TINAG: variants seen among roughly 807,000 people sequenced by gnomAD.
TINAG encodes tubulointerstitial nephritis antigen.
TINAG carries 83 observed loss-of-function variants against 72.7 expected under a neutral mutation model. That is an observed-to-expected ratio of 1.14 (90% CI 0.96 to 1.37). TINAG has a LOEUF of 1.37. TINAG is among the 40% of genes most tolerant of loss of function. The probability of loss-of-function intolerance (pLI) is 0.00; values close to 1 mark genes in which losing one functional copy is unlikely to be tolerated. For missense variants in TINAG, 685 were observed against 576.6 expected, an observed-to-expected ratio of 1.19 and a Z score of -1.93; for synonymous variants, 234 against 189.9, an observed-to-expected ratio of 1.23 and a Z score of -1.91.
At chr6:54,347,261 T>C (rs1166639820) in intron 5 of TINAG, 106 bp from the exon 6 acceptor site, 3 of 1,040,958 alleles carry the variant, frequency 2.9e-6, no homozygotes, top group African/African-American at 1.6e-5. Context: ...TTATAAATTA[T>C]ACACAGTTTT....
intron 5 of TINAG, among the ~76,000 whole-genome samples, chr6:54,346,118 C>T (rs578245454): frequency 1.3e-5 from 2 of 151,944 alleles, no homozygotes; most frequent in Non-Finnish European, 2.9e-5. Context: ...ATGGTACCCA[C>T]CCCAATTTTT....
In TINAG at chr6:54,354,546, A is replaced by G. The variant is rs369126804; in HGVS notation, c.1160A>G (p.Tyr387Cys). Residue 387 changes from tyrosine (Y) to cysteine (C), a missense_variant, in exon 9 of 11, where the codon TAT (tyrosine) becomes TGT (cysteine). Coordinates refer to ENST00000259782, the MANE Select transcript of TINAG (RefSeq NM_014464.4). ...IMQVREDFFH[Y>C]KTGIYRHVTS... ...CAAGTCCGTGAAGATTTCTTCCATTATAAGACAGGGATATACAGACATGTT... is the reference window on the plus strand; with the variant it reads ...CAAGTCCGTGAAGATTTCTTCCATTGTAAGACAGGGATATACAGACATGTT... 1.3e-5 allele frequency: 21 copies of G among 1,607,984 alleles called. No homozygotes were observed. The Admixed American group carries it at 2.2e-4, about 17-fold the overall frequency.
intron 9 of TINAG, among the ~76,000 whole-genome samples, chr6:54,367,895 T>A (rs1424898180): frequency 6.6e-6 from 1 of 151,780 alleles, no homozygotes; most frequent in African/African-American, 2.4e-5. Context: ...TGTTCATAAA[T>A]GACTGTCTTG....
intron 1 of TINAG, among the ~76,000 whole-genome samples, chr6:54,317,338 C>T (rs989204137): frequency 6.6e-6 from 1 of 152,044 alleles, no homozygotes; most frequent in African/African-American, 2.4e-5. Context: ...TGGATTGTAG[C>T]TCCCATAATT....
rs1198329153 is a variant in TINAG at position 54,382,684 on chromosome 6, GA to G, written c.1296+2114del. On this transcript the variant is annotated intron_variant, in intron 10 of 10. Transcript: ENST00000259782. The stretch of plus-strand genomic sequence containing the variant: ...ATACTCATAAATAGATCGACAACCA[GA>G]GTAACATAGCAGCATGCATCTCCCA... 2.0e-5 allele frequency among the ~76,000 whole-genome samples: 3 copies of G among 152,176 alleles called. No individual in the cohort carries two copies. The East Asian group carries it at 5.8e-4, about 29-fold the overall frequency.
chr6:54,349,822 A>C lies in TINAG; in HGVS notation c.1006A>C (p.Lys336Gln). ...SDGRGKRHAT[K>Q]PCPNNVEKSN... is the part of the protein sequence containing the mutation. ...TGGGCGAGGAAAACGGCATGCCACG[A>C]AGCCATGTCCCAACAACGTAGAAAA... Residue 336 changes from lysine to glutamine, a missense_variant, in exon 7 of 11, where the codon AAG becomes CAG. Coordinates refer to ENST00000259782, the MANE Select transcript of TINAG (RefSeq NM_014464.4). 1.9e-6 allele frequency: 3 copies of C among 1,611,158 alleles called. No homozygotes were observed. The highest frequency in any genetic ancestry group is 1.7e-6 in the Non-Finnish European group (2 of 1,178,154).
chr6:54,378,718 T>C (rs1251687471), intron 9 of TINAG, among the ~76,000 whole-genome samples: 2 of 152,170 alleles, frequency 1.3e-5, no homozygotes, highest in Non-Finnish European at 2.9e-5. Context: ...TCTTCTCCTT[T>C]GTATGACTTT....
At chr6:54,320,453 A>G (rs1298986089) in intron 1 of TINAG, 126 bp from the exon 2 acceptor site, 2 of 662,000 alleles carry the variant, frequency 3.0e-6, no homozygotes, top group Non-Finnish European at 4.9e-6. Flanking sequence ...GATTTCTATC[A>G]GCTTTTTTGG....
chr6:54,384,888 C>G (rs1175627294), intron 10 of TINAG, among the ~76,000 whole-genome samples: 1 of 152,052 alleles, frequency 6.6e-6, no homozygotes, highest in Non-Finnish European at 1.5e-5. Flanking sequence ...AATATACATT[C>G]TCTTTAAGTG....
intron 5 of TINAG, 86 bp from the exon 6 acceptor site, chr6:54,347,281 G>A (rs901654356): frequency 1.2e-5 from 16 of 1,366,488 alleles, no homozygotes; most frequent in Admixed American, 2.2e-5. Flanking sequence ...TAAAGACTAC[G>A]TTAGGGTTCA....
At chr6:54,368,435 A>G (rs1280485744) in intron 9 of TINAG, among the ~76,000 whole-genome samples, 1 of 150,016 alleles carries the variant, frequency 6.7e-6, no homozygotes, top group Non-Finnish European at 1.5e-5. Flanking sequence ...CCTGAAAGAT[A>G]TTTGGGCATA....
intron 4 of TINAG, among the ~76,000 whole-genome samples, chr6:54,333,207 T>C (rs975053562): frequency 1.3e-5 from 2 of 152,106 alleles, no homozygotes; most frequent in Non-Finnish European, 2.9e-5. Flanking sequence ...AGCAAAGACT[T>C]GGAACCAACC....
At chr6:54,350,416 A>G (rs1253667266) in intron 7 of TINAG, among the ~76,000 whole-genome samples, 1 of 151,866 alleles carries the variant, frequency 6.6e-6, no homozygotes, top group African/African-American at 2.4e-5. Flanking sequence ...GTGTCTTCTA[A>G]TTATCTCCAG....
At chr6:54,339,886 T>TG (rs988133053) in intron 4 of TINAG, among the ~76,000 whole-genome samples, 1 of 152,000 alleles carries the variant, frequency 6.6e-6, no homozygotes, top group African/African-American at 2.4e-5. Context: ...CTTAAATGGG[T>TG]GGGGGGAAAT....
At chr6:54,328,675 G>A (rs916275646) in intron 4 of TINAG, among the ~76,000 whole-genome samples, 3 of 151,872 alleles carry the variant, frequency 2.0e-5, no homozygotes, top group African/African-American at 4.8e-5. Flanking sequence ...AAACTCCTCC[G>A]AGCTAAGGGA....
intron 4 of TINAG, among the ~76,000 whole-genome samples, chr6:54,331,582 CA>C (rs1483713453): frequency 4.6e-5 from 7 of 152,188 alleles, no homozygotes; most frequent in Non-Finnish European, 7.3e-5. Context: ...CACTTTTATT[CA>C]ACATAGTATT....
intron 1 of TINAG, among the ~76,000 whole-genome samples, chr6:54,316,829 T>C (rs1401032385): frequency 1.3e-5 from 2 of 152,328 alleles, no homozygotes; most frequent in Admixed American, 1.3e-4. Context: ...TGATGAATTA[T>C]TTTAAAACAA....
intron 6 of TINAG, 106 bp from the exon 7 acceptor site, chr6:54,349,610 T>TA: frequency 9.3e-7 from 1 of 1,074,834 alleles, no homozygotes; most frequent in Non-Finnish European, 1.3e-6. Flanking sequence ...TGCATGTAAG[T>TA]AACCAGAATA....
At chr6:54,319,898 C>A (rs115997331) in intron 1 of TINAG, among the ~76,000 whole-genome samples, 3,153 of 152,146 alleles carry the variant, frequency 0.021, 106 homozygotes, top group African/African-American at 0.07. Context: ...TTAACCAGAG[C>A]ACTATTTTTA....
Sources: gnomAD v4.1 joint callset for allele counts (sites outside exome capture counted in the v4.1 genomes callset) on GRCh38, gnomAD v4.1.1 for gene constraint, MANE v1.5 for transcripts, NCBI Gene and HGNC (gene_info 2026-07-23, HGNC 2026-07-21) for gene names.